ASTN2: variants seen among roughly 807,000 people sequenced by gnomAD.
ASTN2 encodes astrotactin-2.
Under a neutral mutation model 139.8 loss-of-function variants are expected in ASTN2, and 54 were observed. That is an observed-to-expected ratio of 0.39 (90% CI 0.31 to 0.48). ASTN2 has a LOEUF of 0.48. Ranked by LOEUF, ASTN2 falls within the 20% of genes least tolerant of loss-of-function variation. The probability of loss-of-function intolerance (pLI) is 0.95; values close to 1 mark genes in which losing one functional copy is unlikely to be tolerated. For synonymous variants in ASTN2, 756 were observed against 719.5 expected, an observed-to-expected ratio of 1.05 and a Z score of -0.81; for missense variants, 1,565 against 1,725.1, an observed-to-expected ratio of 0.91 and a Z score of 1.64.
At chr9:116,518,340 TG>T (rs1228897319) in intron 19 of ASTN2, among the ~76,000 whole-genome samples, 1 of 152,144 alleles carries the variant, frequency 6.6e-6, no homozygotes, top group Non-Finnish European at 1.5e-5. Flanking sequence ...TAGAAGGGAT[TG>T]GGGTCTTATT....
At chr9:117,176,855 T>C (rs1830930476) in intron 3 of ASTN2, among the ~76,000 whole-genome samples, 1 of 152,184 alleles carries the variant, frequency 6.6e-6, no homozygotes, top group Non-Finnish European at 1.5e-5. Context: ...TGCTTGAGCC[T>C]ATGAGTTGCA....
intron 2 of ASTN2, among the ~76,000 whole-genome samples, chr9:117,232,716 T>G (rs891316711): frequency 5.9e-5 from 9 of 152,212 alleles, no homozygotes; most frequent in African/African-American, 2.2e-4. Flanking sequence ...CAAAGAATGT[T>G]CTCAGCAAAT....
chr9:117,152,525 C>G (rs1212928928), intron 3 of ASTN2, among the ~76,000 whole-genome samples: 3 of 152,188 alleles, frequency 2.0e-5, no homozygotes, highest in Non-Finnish European at 4.4e-5. Context: ...TCTGTCTGCT[C>G]TCATATCTTG....
intron 2 of ASTN2, among the ~76,000 whole-genome samples, chr9:117,270,514 A>G (rs1198323583): frequency 6.6e-6 from 1 of 152,122 alleles, no homozygotes; most frequent in Non-Finnish European, 1.5e-5. Flanking sequence ...CAGTTTCATG[A>G]GTTTCTTTGT....
intron 2 of ASTN2, among the ~76,000 whole-genome samples, chr9:117,230,815 C>T (rs1160246): frequency 0.33 from 50,814 of 152,054 alleles, 9,531 homozygotes; most frequent in Middle Eastern, 0.45. Context: ...TCAGCAATGA[C>T]GAAAGATTCC....
chr9:117,029,502 A>C (rs1407468883), intron 6 of ASTN2, among the ~76,000 whole-genome samples: 1 of 152,084 alleles, frequency 6.6e-6, no homozygotes. Flanking sequence ...TCTCCACAGC[A>C]TCTAGGACAA....
At chr9:116,759,326 T>C (rs1156754984) in intron 13 of ASTN2, among the ~76,000 whole-genome samples, 2 of 152,238 alleles carry the variant, frequency 1.3e-5, no homozygotes, top group African/African-American at 4.8e-5. Flanking sequence ...TAAAAGCAAA[T>C]AATTTATTGA....
chr9:116,578,619 CGTGTGTGTGTGTGTGTGTGTGT>C (rs71377254), intron 19 of ASTN2, among the ~76,000 whole-genome samples: 19,735 of 137,636 alleles, frequency 0.14, 1,447 homozygotes, highest in Middle Eastern at 0.19. Flanking sequence ...CTGGCTCCAA[CGTGTGTGTGTGTGTGTGTGTGT>C]GTGTGTGTGT....
At chr9:116,767,882 G>T (rs1019738525) in intron 13 of ASTN2, among the ~76,000 whole-genome samples, 7 of 152,262 alleles carry the variant, frequency 4.6e-5, no homozygotes, top group Middle Eastern at 3.4e-3. Flanking sequence ...TTTCCTAATG[G>T]CATATCTATG....
At chr9:116,664,496 T>C (rs1030464443) in intron 16 of ASTN2, among the ~76,000 whole-genome samples, 3 of 150,692 alleles carry the variant, frequency 2.0e-5, no homozygotes, top group Admixed American at 6.6e-5. Flanking sequence ...TACCCAAACC[T>C]AACACAATAG....
At chr9:117,282,455 C>G (rs1834347367) in intron 2 of ASTN2, among the ~76,000 whole-genome samples, 1 of 152,218 alleles carries the variant, frequency 6.6e-6, no homozygotes, top group African/African-American at 2.4e-5. Context: ...TTGGCCCACA[C>G]TAATGGGACA....
chr9:116,888,878 G>T (rs541275064), intron 10 of ASTN2, among the ~76,000 whole-genome samples: 18 of 152,220 alleles, frequency 1.2e-4, no homozygotes, highest in African/African-American at 4.1e-4. Flanking sequence ...CAAGGTCCCA[G>T]TGTTGTTCCT....
At chr9:116,632,097 A>AGT (rs1291616115) in intron 17 of ASTN2, among the ~76,000 whole-genome samples, 6 of 147,294 alleles carry the variant, frequency 4.1e-5, no homozygotes. Context: ...CTGGTGATAG[A>AGT]GTGAGACTGT....
chr9:117,137,379 C>G (rs1243498942), intron 4 of ASTN2, among the ~76,000 whole-genome samples: 1 of 152,294 alleles, frequency 6.6e-6, no homozygotes, highest in East Asian at 1.9e-4. Flanking sequence ...AGGGCAGGTG[C>G]TCCCAATCTG....
intron 11 of ASTN2, among the ~76,000 whole-genome samples, chr9:116,836,122 C>T (rs1043539677): frequency 1.3e-5 from 2 of 152,252 alleles, no homozygotes; most frequent in African/African-American, 4.8e-5. Flanking sequence ...ATTCACCTCC[C>T]CACTAGGACT....
intron 20 of ASTN2, among the ~76,000 whole-genome samples, chr9:116,475,426 C>T (rs1848946848): frequency 6.7e-6 from 1 of 148,790 alleles, no homozygotes; most frequent in South Asian, 2.2e-4. Flanking sequence ...GGGGCTCTCA[C>T]TGCCCACCGA....
chr9:117,246,247 G>A (rs371760515), intron 2 of ASTN2, among the ~76,000 whole-genome samples: 15 of 152,312 alleles, frequency 9.8e-5, no homozygotes, highest in African/African-American at 3.6e-4. Context: ...TTCAATTCTT[G>A]CAAGAGATTC....
At chr9:116,668,652 G>A (rs1859014804) in intron 16 of ASTN2, among the ~76,000 whole-genome samples, 1 of 152,146 alleles carries the variant, frequency 6.6e-6, no homozygotes. Flanking sequence ...TCTCAAGTTT[G>A]GACAATTATG....
chr9:116,937,007 C>T (rs766779627), intron 10 of ASTN2, among the ~76,000 whole-genome samples: 11 of 152,026 alleles, frequency 7.2e-5, no homozygotes, highest in African/African-American at 1.9e-4. Context: ...TTGTATGTGT[C>T]GGATTTTTAA....
Sources: gnomAD v4.1 joint callset for allele counts (sites outside exome capture counted in the v4.1 genomes callset) on GRCh38, gnomAD v4.1.1 for gene constraint, MANE v1.5 for transcripts, NCBI Gene and HGNC (gene_info 2026-07-23, HGNC 2026-07-21) for gene names.